ALPL: variants seen among roughly 807,000 people sequenced by gnomAD.
The protein encoded by ALPL is alkaline phosphatase, biomineralization associated, also known as alkaline phosphatase, tissue-nonspecific isozyme.
In ALPL, 42 loss-of-function variants were observed where a neutral mutation model predicts 51.3. That is an observed-to-expected ratio of 0.82 (90% CI 0.64 to 1.06). The LOEUF is 1.06. ALPL is among the 50% of genes least tolerant of loss of function. The probability of loss-of-function intolerance (pLI) is 0.00; values close to 1 mark genes in which losing one functional copy is unlikely to be tolerated. For synonymous variants in ALPL, 279 were observed against 296.4 expected (o/e 0.94, Z 0.60); for missense variants, 589 against 709.4 (o/e 0.83, Z 1.93).
Position 21,573,682 on chromosome 1 carries a change from G to T in ALPL, c.880G>T (p.Asp294Tyr), listed in dbSNP as rs1553414079. The T allele has an allele frequency of 1.2e-6, 2 of 1,613,944 alleles. No individual in the cohort carries two copies. Among genetic ancestry groups the T allele is most frequent in the Non-Finnish European group, 1.7e-6 (2 of 1,179,948 alleles). Residue 294 changes from aspartate (D) to tyrosine (Y), a missense_variant, in exon 9 of 12, where the codon GAC (aspartate) becomes TAC (tyrosine). By Grantham distance (160) the Asp-to-Tyr change is radical (BLOSUM62 -3). Transcript: ENST00000374840. Reference protein sequence around the residue: ...DYLLGLFEPGDMQYELNRNNV... With the variant: ...DYLLGLFEPGYMQYELNRNNV... ...CTCCTCAGGTCTCTTCGAGCCAGGG[G>T]ACATGCAGTACGAGCTGAACAGGAA...
chr1:21,523,617 A>G (rs1643905982), intron 1 of ALPL, among the ~76,000 whole-genome samples: 1 of 152,210 alleles, frequency 6.6e-6, no homozygotes, highest in South Asian at 2.1e-4. Context: ...TATTCAGGAA[A>G]GGAAACTGAT....
intron 7 of ALPL, among the ~76,000 whole-genome samples, chr1:21,569,231 C>T (rs907782216): frequency 6.6e-6 from 1 of 152,178 alleles, no homozygotes; most frequent in African/African-American, 2.4e-5. Flanking sequence ...GCCAGAGAGA[C>T]ACCAGCCTCA....
chr1:21,520,466 CTTTTTT>C (rs35922763), intron 1 of ALPL, among the ~76,000 whole-genome samples: 1 of 111,460 alleles, frequency 9.0e-6, no homozygotes, highest in Non-Finnish European at 1.7e-5. Flanking sequence ...TCTTTTTTCT[CTTTTTT>C]TTTTTTTTTT....
intron 1 of ALPL, among the ~76,000 whole-genome samples, chr1:21,540,657 G>C (rs1400745287): frequency 6.6e-6 from 1 of 152,120 alleles, no homozygotes; most frequent in Non-Finnish European, 1.5e-5. Flanking sequence ...CCGCCTGCTC[G>C]TGCCTTTCTC....
At chr1:21,547,145 T>TG (rs1285550024) in intron 1 of ALPL, among the ~76,000 whole-genome samples, 1 of 152,064 alleles carries the variant, frequency 6.6e-6, no homozygotes, top group African/African-American at 2.4e-5. Context: ...GCTCTGTAGG[T>TG]GTTTGGGAGT....
intron 1 of ALPL, among the ~76,000 whole-genome samples, chr1:21,511,546 C>G (rs1023081485): frequency 6.6e-6 from 1 of 152,250 alleles, no homozygotes; most frequent in Non-Finnish European, 1.5e-5. Context: ...TACCCTGCCT[C>G]TGAACCTGTT....
intron 1 of ALPL, among the ~76,000 whole-genome samples, chr1:21,512,051 C>T (rs1333014420): frequency 6.6e-6 from 1 of 152,154 alleles, no homozygotes; most frequent in African/African-American, 2.4e-5. Flanking sequence ...CTTTTTAATA[C>T]AAAACCCAGA....
Position 21,576,626 on chromosome 1 carries a change from T to A in ALPL, c.1294T>A (p.Ser432Thr). 6.2e-7 allele frequency: 1 copy of A among 1,613,704 alleles called. No individual in the cohort carries two copies. Among genetic ancestry groups the A allele is most frequent in the African/African-American group, 1.3e-5 (1 of 74,966 alleles). The part of the protein sequence containing the change: ...KVVGGERENV[S>T]MVDYAHNNYQ... Reference sequence around the variant, plus strand: ...GGTGGGCGGTGAACGAGAGAATGTCTCCATGGTGGACTATGGTGAGACCTC... The same window carrying A: ...GGTGGGCGGTGAACGAGAGAATGTCACCATGGTGGACTATGGTGAGACCTC... Residue 432 changes from serine to threonine, a missense_variant, in exon 11 of 12, where the codon TCC (serine) becomes ACC (threonine). Coordinates refer to ENST00000374840, the MANE Select transcript of ALPL (RefSeq NM_000478.6).
chr1:21,534,393 G>A (rs994207104), intron 1 of ALPL, among the ~76,000 whole-genome samples: 1 of 152,230 alleles, frequency 6.6e-6, no homozygotes, highest in Non-Finnish European at 1.5e-5. Flanking sequence ...GAACAAAGGT[G>A]GGTTGGACAA....
intron 1 of ALPL, among the ~76,000 whole-genome samples, chr1:21,543,587 G>GA (rs1558537960): frequency 1.3e-5 from 2 of 151,640 alleles, no homozygotes; most frequent in African/African-American, 2.4e-5. Flanking sequence ...AACTCCATCT[G>GA]AAAAAAAACA....
intron 1 of ALPL, among the ~76,000 whole-genome samples, chr1:21,549,445 C>T (rs536643018): frequency 2.6e-5 from 4 of 152,070 alleles, no homozygotes; most frequent in South Asian, 2.1e-4. Context: ...CCACCCCAAA[C>T]GCCGAAAGGC....
At chr1:21,570,717 G>T (rs1214799793) in intron 8 of ALPL, among the ~76,000 whole-genome samples, 1 of 152,202 alleles carries the variant, frequency 6.6e-6, no homozygotes, top group Non-Finnish European at 1.5e-5. Context: ...GGGCTATGGA[G>T]CCTGGGACCT....
At chr1:21,524,055 G>A (rs1462564202) in intron 1 of ALPL, among the ~76,000 whole-genome samples, 1 of 141,722 alleles carries the variant, frequency 7.1e-6, no homozygotes, top group Non-Finnish European at 1.5e-5. Flanking sequence ...CCAGGCTGGA[G>A]TGCAGTGGCG....
chr1:21,554,819 T>G lies in ALPL; in HGVS notation c.61+677T>G, dbSNP rs369750139. Among the ~76,000 whole-genome samples the G allele has an allele frequency of 6.2e-3, 458 of 74,122 alleles. 2 individuals are homozygous for G. The highest frequency in any genetic ancestry group is 0.017 in the African/African-American group (340 of 19,478). The allele number at this position is 74,122 out of a possible 152,430, so 48.6% of individuals were successfully genotyped here. On this transcript the variant is annotated intron_variant, in intron 2 of 11. Coordinates refer to ENST00000374840, the MANE Select transcript of ALPL (RefSeq NM_000478.6). The stretch of plus-strand genomic sequence containing the variant: ...TGTCTGTCTGTCTGTCTGTCTGTCT[T>G]TCTTTCTTTCTTTCTTTCTTTCTTT...
intron 1 of ALPL, among the ~76,000 whole-genome samples, chr1:21,539,034 C>T (rs960375392): frequency 1.3e-5 from 2 of 152,216 alleles, no homozygotes; most frequent in East Asian, 3.8e-4. Context: ...AGCAGCTGCA[C>T]GCAATCCCTT....
At chr1:21,555,897 A>G (rs1644406745) in intron 2 of ALPL, among the ~76,000 whole-genome samples, 1 of 151,746 alleles carries the variant, frequency 6.6e-6, no homozygotes, top group Admixed American at 6.6e-5. Context: ...CAGCCTCCCA[A>G]GTAGCTGGGA....
chr1:21,522,487 C>T (rs1643893695), intron 1 of ALPL, among the ~76,000 whole-genome samples: 2 of 152,148 alleles, frequency 1.3e-5, no homozygotes, highest in Admixed American at 6.5e-5. Flanking sequence ...TCTCCTAGGT[C>T]ACCTGGTTGG....
intron 2 of ALPL, 110 bp downstream of exon 2, chr1:21,554,252 G>A: frequency 1.7e-6 from 2 of 1,170,160 alleles, no homozygotes; most frequent in Non-Finnish European, 2.6e-6. Flanking sequence ...TTTAAGAGCT[G>A]AAAACAGTGT....
chr1:21,568,525 A>T (rs889693946), intron 7 of ALPL, among the ~76,000 whole-genome samples: 1 of 151,890 alleles, frequency 6.6e-6, no homozygotes, highest in Non-Finnish European at 1.5e-5. Context: ...CACCTATTGT[A>T]TGTAGGCACC....
Sources: allele counts gnomAD v4.1 joint callset (sites outside exome capture counted in the v4.1 genomes callset), GRCh38; gene constraint gnomAD v4.1.1; transcripts MANE v1.5; gene names NCBI Gene and HGNC (gene_info 2026-07-23, HGNC 2026-07-21).